Variants in VCF1 observed in about 807,000 individuals in gnomAD.
VCF1 encodes protein VCF1.
chr17:73,210,992 A>G, the VCF1 span, among the ~76,000 whole-genome samples: 5 of 152,198 alleles, frequency 3.3e-5, no homozygotes, highest in Admixed American at 6.5e-5. Context: ...TTTACAGTGC[A>G]ATACAATATT....
the VCF1 span, among the ~76,000 whole-genome samples, chr17:73,213,918 C>T: frequency 1.3e-5 from 2 of 151,892 alleles, no homozygotes; most frequent in Non-Finnish European, 2.9e-5. Context: ...TGTACTGAGC[C>T]GAGATGGCAC....
the VCF1 span, among the ~76,000 whole-genome samples, chr17:73,216,937 C>A: frequency 2.0e-5 from 3 of 152,192 alleles, no homozygotes; most frequent in Non-Finnish European, 4.4e-5. Context: ...TAAGAAAGCA[C>A]CCCCACCTCA....
the VCF1 span, among the ~76,000 whole-genome samples, chr17:73,225,900 T>TA: frequency 0.39 from 29,617 of 76,900 alleles, 4,726 homozygotes; most frequent in South Asian, 0.46. Flanking sequence ...TATATATATA[T>TA]TTTTTTTTTT....
At chr17:73,231,302 C>G in the VCF1 span, among the ~76,000 whole-genome samples, 2 of 152,132 alleles carry the variant, frequency 1.3e-5, no homozygotes, top group Admixed American at 1.3e-4. Context: ...ACTTTCTCCT[C>G]CACACATTCT....
the VCF1 span, chr17:73,232,152 G>A: frequency 1.2e-6 from 2 of 1,608,936 alleles, no homozygotes; most frequent in South Asian, 1.1e-5. Flanking sequence ...TCCGCGAAGA[G>A]AGGGAACAGA....
At chr17:73,221,244 CTTTTA>C in the VCF1 span, among the ~76,000 whole-genome samples, 2 of 151,420 alleles carry the variant, frequency 1.3e-5, no homozygotes, top group African/African-American at 4.9e-5. Context: ...GAAGATACTG[CTTTTA>C]TTTACTCAAG....
At chr17:73,221,689 G>A in the VCF1 span, among the ~76,000 whole-genome samples, 1 of 152,086 alleles carries the variant, frequency 6.6e-6, no homozygotes, top group Non-Finnish European at 1.5e-5. Context: ...AGGAGTTCAA[G>A]ATCAGCCTGG....
chr17:73,232,155 G>A, the VCF1 span: 6 of 1,608,898 alleles, frequency 3.7e-6, no homozygotes, highest in Non-Finnish European at 5.1e-6. Context: ...GCGAAGAGAG[G>A]GAACAGAGGG....
chr17:73,216,007 G>A, the VCF1 span, among the ~76,000 whole-genome samples: 1 of 152,200 alleles, frequency 6.6e-6, no homozygotes, highest in Non-Finnish European at 1.5e-5. Context: ...AACTGCACAA[G>A]AGGTGATGGC....
the VCF1 span, among the ~76,000 whole-genome samples, chr17:73,217,428 G>A: frequency 6.6e-6 from 1 of 151,010 alleles, no homozygotes; most frequent in African/African-American, 2.4e-5. Flanking sequence ...CAGACAGGTG[G>A]ATCACGAGGT....
the VCF1 span, chr17:73,232,344 C>T: frequency 6.6e-7 from 1 of 1,525,152 alleles, no homozygotes; most frequent in Non-Finnish European, 8.8e-7. Context: ...CGCGGCTGCG[C>T]AGTGGCACCA....
the VCF1 span, among the ~76,000 whole-genome samples, chr17:73,223,632 A>T: frequency 3.8e-5 from 5 of 130,580 alleles, no homozygotes; most frequent in Admixed American, 7.8e-5. Flanking sequence ...TAACTTTTAA[A>T]TCTCTCTTAG....
At chr17:73,232,115 T>C in the VCF1 span, 1 of 1,609,778 alleles carries the variant, frequency 6.2e-7, no homozygotes, top group Non-Finnish European at 8.5e-7. Flanking sequence ...TCATGGCAGC[T>C]GGCGGATGGA....
At chr17:73,210,770 T>C in the VCF1 span, among the ~76,000 whole-genome samples, 2 of 151,220 alleles carry the variant, frequency 1.3e-5, no homozygotes. Context: ...TTTTTTTTTT[T>C]TTTTTTTTTA....
chr17:73,230,229 G>A, the VCF1 span, among the ~76,000 whole-genome samples: 1 of 152,030 alleles, frequency 6.6e-6, no homozygotes, highest in Non-Finnish European at 1.5e-5. Flanking sequence ...CTGGGAGGTT[G>A]AGGCTGCAGT....
the VCF1 span, among the ~76,000 whole-genome samples, chr17:73,224,274 A>AC: frequency 6.6e-6 from 1 of 151,302 alleles, no homozygotes; most frequent in East Asian, 1.9e-4. Flanking sequence ...AAAAAAAAAA[A>AC]AAAAAAAAAA....
the VCF1 span, among the ~76,000 whole-genome samples, chr17:73,228,265 G>A: frequency 6.6e-6 from 1 of 152,234 alleles, no homozygotes; most frequent in African/African-American, 2.4e-5. Flanking sequence ...TGAAGTTTCA[G>A]CTTTCTATAG....
chr17:73,227,685 C>A, the VCF1 span: 3 of 985,882 alleles, frequency 3.0e-6, no homozygotes, highest in Non-Finnish European at 2.4e-6. Flanking sequence ...GAGTGGCTGC[C>A]TTTGCCTATT....
At chr17:73,216,405 A>G in the VCF1 span, among the ~76,000 whole-genome samples, 1 of 150,868 alleles carries the variant, frequency 6.6e-6, no homozygotes, top group South Asian at 2.1e-4. Flanking sequence ...GGAGGAAGCC[A>G]GGATCCAGAG....
Sources: allele counts gnomAD v4.1 joint callset (sites outside exome capture counted in the v4.1 genomes callset), GRCh38; gene constraint gnomAD v4.1.1; transcripts MANE v1.5; gene names NCBI Gene and HGNC (gene_info 2026-07-23, HGNC 2026-07-21).